The following ZFHX3 variants were observed in gnomAD, a reference collection of about 807,000 sequenced individuals.
ZFHX3 encodes the protein zinc finger homeobox 3, also known as zinc finger homeobox protein 3.
ZFHX3 carries 42 observed loss-of-function variants against 279.1 expected under a neutral mutation model. That is an observed-to-expected ratio of 0.15 (90% CI 0.12 to 0.19). ZFHX3 has a LOEUF of 0.19. ZFHX3 is among the 10% of genes least tolerant of loss of function. The pLI is 1.00. For synonymous variants in ZFHX3, 2,293 were observed against 1,957.8 expected, an observed-to-expected ratio of 1.17 and a Z score of -4.52; for missense variants, 4,981 against 4,754.0, an observed-to-expected ratio of 1.05 and a Z score of -1.40.
In ZFHX3 at chr16:73,122,862, T is replaced by G. The variant is rs531739230; in HGVS notation, c.-897+8106A>C. Reference sequence around the variant, plus strand: ...GAGGAGCGAGAAGGAGAGCCCAGGCTGGATGTGGTCGGCCGCTGGGTGGAG... The same window carrying G: ...GAGGAGCGAGAAGGAGAGCCCAGGCGGGATGTGGTCGGCCGCTGGGTGGAG... On this transcript the variant is annotated intron_variant, in intron 7 of 17. Transcript: ENST00000641206. Among the ~76,000 whole-genome samples, 22 of 152,274 alleles carry G rather than the reference T, an allele frequency of 1.4e-4. No homozygotes were observed. In the East Asian group the frequency reaches 4.3e-3, roughly 29 times the overall value.
upstream of ZFHX3, chr16:73,061,604 A>T (rs1965685809): frequency 6.6e-6 from 1 of 152,020 alleles, no homozygotes; most frequent in Non-Finnish European, 1.5e-5. Context: ...CTGAAGGAAG[A>T]CTGGTAAATT....
At chr16:73,099,947 C>T (rs900798979) in intron 7 of ZFHX3, among the ~76,000 whole-genome samples, 4 of 152,082 alleles carry the variant, frequency 2.6e-5, no homozygotes, top group African/African-American at 9.7e-5. Flanking sequence ...TTCCTGGGAA[C>T]CTTGCATTGT....
chr16:73,685,085 G>A (rs1435395867), intron 1 of ZFHX3, among the ~76,000 whole-genome samples: 1 of 151,228 alleles, frequency 6.6e-6, no homozygotes, highest in African/African-American at 2.4e-5. Flanking sequence ...CCCAACCTCG[G>A]CTCACTGCAA....
chr16:73,163,089 G>A (rs1163608404), intron 5 of ZFHX3, among the ~76,000 whole-genome samples: 1 of 152,132 alleles, frequency 6.6e-6, no homozygotes, highest in Non-Finnish European at 1.5e-5. Context: ...CACATAGATG[G>A]CCATCTTTCA....
At chr16:73,821,839 C>A (rs1960750826) in intron 1 of ZFHX3, among the ~76,000 whole-genome samples, 1 of 152,176 alleles carries the variant, frequency 6.6e-6, no homozygotes, top group South Asian at 2.1e-4. Context: ...GTGTGAAATG[C>A]ACTTACATGG....
At chr16:73,684,684 T>C (rs180957861) in intron 1 of ZFHX3, among the ~76,000 whole-genome samples, 138 of 149,528 alleles carry the variant, frequency 9.2e-4, no homozygotes, top group African/African-American at 3.3e-3. Flanking sequence ...GCCCCTGCAA[T>C]CACAAGGGTC....
intron 4 of ZFHX3, among the ~76,000 whole-genome samples, chr16:72,836,063 T>C (rs1355573717): frequency 6.6e-6 from 1 of 152,194 alleles, no homozygotes; most frequent in Non-Finnish European, 1.5e-5. Context: ...CGGAACACAA[T>C]CTGCAATGCT....
intron 2 of ZFHX3, chr16:73,504,665 C>T (rs1047651604): frequency 6.6e-6 from 1 of 152,340 alleles, no homozygotes; most frequent in Admixed American, 6.5e-5. Flanking sequence ...AGCCAATCGC[C>T]TGGGTCTGCG....
intron 1 of ZFHX3, among the ~76,000 whole-genome samples, chr16:72,980,409 A>AT (rs942964324): frequency 3.9e-5 from 6 of 152,128 alleles, no homozygotes; most frequent in African/African-American, 1.4e-4. Flanking sequence ...GTAAAAAGCC[A>AT]TTTTGGGGAC....
At chr16:72,873,927 G>C (rs528177463) in intron 4 of ZFHX3, among the ~76,000 whole-genome samples, 1 of 152,056 alleles carries the variant, frequency 6.6e-6, no homozygotes, top group Non-Finnish European at 1.5e-5. Flanking sequence ...TTTAAAAGGC[G>C]TATGGCTGAT....
intron 4 of ZFHX3, among the ~76,000 whole-genome samples, chr16:73,286,617 G>GTGTGTGGGTCTGTGTGTAGC (rs2014605923): frequency 6.6e-6 from 1 of 150,886 alleles, no homozygotes; most frequent in African/African-American, 2.5e-5. Context: ...AGCTGTGTGG[G>GTGTGTGGGTCTGTGTGTAGC]TGTGTGGGTC....
chr16:72,995,500 AC>A (rs1156606622), intron 1 of ZFHX3, among the ~76,000 whole-genome samples: 1 of 152,170 alleles, frequency 6.6e-6, no homozygotes, highest in African/African-American at 2.4e-5. Flanking sequence ...TCTGATGGAC[AC>A]CTTCTTTGTC....
intron 2 of ZFHX3, among the ~76,000 whole-genome samples, chr16:73,472,670 G>A (rs2018689977): frequency 6.6e-6 from 1 of 152,166 alleles, no homozygotes; most frequent in Admixed American, 6.5e-5. Context: ...AGATTTGCTT[G>A]TCTTCAGCTG....
chr16:73,355,660 C>T (rs912483628), intron 3 of ZFHX3, among the ~76,000 whole-genome samples: 28 of 152,204 alleles, frequency 1.8e-4, no homozygotes, highest in African/African-American at 6.8e-4. Flanking sequence ...GCAGGGAGGA[C>T]AGATCAAGGA....
intron 5 of ZFHX3, among the ~76,000 whole-genome samples, chr16:73,192,935 C>T (rs1412416668): frequency 6.6e-6 from 1 of 152,180 alleles, no homozygotes; most frequent in East Asian, 1.9e-4. Flanking sequence ...CCTAACTATG[C>T]TGCTAAGCCT....
intron 4 of ZFHX3, among the ~76,000 whole-genome samples, chr16:72,871,428 G>A (rs1283120634): frequency 6.6e-6 from 1 of 150,806 alleles, no homozygotes; most frequent in Non-Finnish European, 1.5e-5. Flanking sequence ...TGCAACCTCT[G>A]ACTCACTGGT....
chr16:72,940,944 C>T (rs1960381987), intron 3 of ZFHX3, among the ~76,000 whole-genome samples: 1 of 152,222 alleles, frequency 6.6e-6, no homozygotes, highest in Admixed American at 6.5e-5. Context: ...TCCCTATTAG[C>T]GACCTATACA....
In ZFHX3 at chr16:73,261,668, G is replaced by GTTTTTTTTT. The variant is rs1187489542; in HGVS notation, c.-1193-4541_-1193-4533dup. ...TATAAATATAAACATTCCTGTGATT[G>GTTTTTTTTT]TTTTTTTTTTTTTTTTTTTTTTTTA... On this transcript the variant is annotated intron_variant, in intron 4 of 17. Coordinates refer to the ZFHX3 transcript ENST00000641206. Among the ~76,000 whole-genome samples, 106 of 80,694 alleles carry GTTTTTTTTT rather than the reference G, an allele frequency of 1.3e-3. 9 individuals carry two copies. The highest frequency in any genetic ancestry group is 1.8e-3 in the Non-Finnish European group (78 of 44,280). The allele number at this position is 80,694 out of a possible 152,430, so 52.9% of individuals were successfully genotyped here.
intron 5 of ZFHX3, among the ~76,000 whole-genome samples, chr16:73,251,194 C>A (rs1477832614): frequency 1.3e-5 from 2 of 152,128 alleles, no homozygotes; most frequent in Non-Finnish European, 2.9e-5. Flanking sequence ...CACAGATAAT[C>A]CAAAGTACCA....
Sources: gnomAD v4.1 joint callset for allele counts (sites outside exome capture counted in the v4.1 genomes callset) on GRCh38, gnomAD v4.1.1 for gene constraint, MANE v1.5 for transcripts, NCBI Gene and HGNC (gene_info 2026-07-23, HGNC 2026-07-21) for gene names.